GDA: variants seen among roughly 807,000 people sequenced by gnomAD.
GDA encodes the protein cytoplasmic PSD-95 interactor.
A neutral mutation model predicts 59.6 loss-of-function variants in GDA; 18 were observed. The ratio of observed to expected loss-of-function variants is 0.30; its 90% CI spans 0.21 to 0.45. The LOEUF (loss-of-function observed/expected upper bound fraction) is 0.45, where lower values mean the gene tolerates loss of function less well. Ranked by LOEUF, GDA falls within the 20% of genes least tolerant of loss-of-function variation. The pLI is 1.00. For synonymous variants in GDA, 201 were observed against 201.1 expected, an observed-to-expected ratio of 1.00 and a Z score of 0.00; for missense variants, 427 against 552.3, an observed-to-expected ratio of 0.77 and a Z score of 2.27.
intron 1 of GDA, among the ~76,000 whole-genome samples, chr9:72,165,801 G>A (rs1056981358): frequency 1.4e-5 from 2 of 143,750 alleles, no homozygotes; most frequent in Non-Finnish European, 1.6e-5. Context: ...GGGAGGCTGA[G>A]GGGGGAGAAC....
Position 72,195,501 on chromosome 9 carries a change from TA to T in GDA, c.126del (p.Ile42MetfsTer4). 1 of 1,386,122 alleles carries T rather than the reference TA, an allele frequency of 7.2e-7. No individual in the cohort carries two copies. The highest frequency in any genetic ancestry group is 1.4e-5 in the African/African-American group (1 of 70,354). The allele number at this position is 1,386,122 out of a possible 1,614,324, so 85.9% of individuals were successfully genotyped here. On this transcript the variant is annotated frameshift_variant and splice_region_variant, in exon 2 of 14. Coordinates refer to ENST00000358399, the MANE Select transcript of GDA (RefSeq NM_004293.5). LOFTEE classifies it high-confidence loss of function. Reference sequence around the variant, plus strand: ...TTCTTTTCTTTCTTTCTTTTAAAGATAGTGTTTTTAGAAGAAGCATCTCAAC... The same window carrying T: ...TTCTTTTCTTTCTTTCTTTTAAAGATGTGTTTTTAGAAGAAGCATCTCAAC... Reference protein sequence around the residue: ...HLLGVSDSGKIVFLEEASQQE... With the variant: ...HLLGVSDSGKXVFLEEASQQE...
At chr9:72,241,848 T>C (rs1839646505) in intron 11 of GDA, among the ~76,000 whole-genome samples, 1 of 152,174 alleles carries the variant, frequency 6.6e-6, no homozygotes, top group African/African-American at 2.4e-5. Context: ...GAGCAGTGAT[T>C]GTGCCACTAC....
At chr9:72,139,120 G>A (rs1351457691) in intron 1 of GDA, among the ~76,000 whole-genome samples, 1 of 152,096 alleles carries the variant, frequency 6.6e-6, no homozygotes, top group African/African-American at 2.4e-5. Context: ...CTTAAGGTTA[G>A]CAAGTAAAAA....
chr9:72,172,892 C>T (rs1322943529), intron 1 of GDA, among the ~76,000 whole-genome samples: 2 of 152,116 alleles, frequency 1.3e-5, no homozygotes, highest in Non-Finnish European at 2.9e-5. Context: ...ATATGTCTAG[C>T]ATTCTGTTTG....
intron 3 of GDA, among the ~76,000 whole-genome samples, chr9:72,209,780 G>A (rs544786753): frequency 9.2e-5 from 14 of 152,226 alleles, no homozygotes; most frequent in South Asian, 8.3e-4. Flanking sequence ...GGTCCCAAAC[G>A]TCACTGTGAA....
chr9:72,210,391 T>A (rs575973928), intron 3 of GDA, among the ~76,000 whole-genome samples: 13 of 152,316 alleles, frequency 8.5e-5, no homozygotes, highest in African/African-American at 2.9e-4. Flanking sequence ...CAATAAAATT[T>A]GGATATCCTT....
chr9:72,120,963 C>T (rs921569640), intron 1 of GDA, among the ~76,000 whole-genome samples: 3 of 152,150 alleles, frequency 2.0e-5, no homozygotes, highest in Non-Finnish European at 4.4e-5. Context: ...ATCTCATCTT[C>T]CCCTGCCTTC....
chr9:72,258,148 C>T (rs1298092402), downstream of GDA, among the ~76,000 whole-genome samples: 1 of 151,042 alleles, frequency 6.6e-6, no homozygotes, highest in Non-Finnish European at 1.5e-5. Flanking sequence ...CTTATCTCTA[C>T]AAAAAAATAA....
rs763706863 is a variant in GDA at position 72,250,796 on chromosome 9, T to C, written c.*2454T>C. 6.2e-7 allele frequency: 1 copy of C among 1,610,002 alleles called. No individual in the cohort carries two copies. Among genetic ancestry groups the C allele is most frequent in the Non-Finnish European group, 8.5e-7 (1 of 1,177,382 alleles). On this transcript the variant is annotated 3_prime_UTR_variant, in exon 14 of 14. Coordinates refer to ENST00000358399, the MANE Select transcript of GDA (RefSeq NM_004293.5). ...AGCCTCCTCACCCCATCCTCCACCATTTCCTTAATGTTCCATGGTATTTTC... is the reference window on the plus strand; with the variant it reads ...AGCCTCCTCACCCCATCCTCCACCACTTCCTTAATGTTCCATGGTATTTTC...
intron 2 of GDA, among the ~76,000 whole-genome samples, chr9:72,195,790 T>C (rs148489951): frequency 4.6e-5 from 7 of 152,348 alleles, no homozygotes; most frequent in African/African-American, 1.7e-4. Flanking sequence ...AGCTAGAGGC[T>C]GCCATCATTC....
At chr9:72,213,228 A>G (rs1380147298) in intron 4 of GDA, among the ~76,000 whole-genome samples, 1 of 152,180 alleles carries the variant, frequency 6.6e-6, no homozygotes, top group African/African-American at 2.4e-5. Flanking sequence ...AGATCACGCC[A>G]CTGCACTCCA....
chr9:72,213,951 T>C lies in GDA; in HGVS notation c.538T>C (p.Tyr180His). 6.2e-7 allele frequency: 1 copy of C among 1,610,656 alleles called. No homozygotes were observed. The highest frequency in any genetic ancestry group is 8.5e-7 in the Non-Finnish European group (1 of 1,176,854). The change falls in exon 5 of 14, where the codon TAC (tyrosine) becomes CAC (histidine). Residue 180 changes from tyrosine (Y) to histidine (H), a missense_variant. Tyr to His is a moderately conservative substitution (Grantham distance 83, BLOSUM62 2). Coordinates refer to ENST00000358399, the MANE Select transcript of GDA (RefSeq NM_004293.5). ...CMDLNDTFPE[Y>H]KETTEESIKE... is the part of the protein sequence containing the mutation. ...GGATTTGAATGACACTTTTCCAGAA[T>C]ACAAGGAGACCACTGAGGAATCGAT...
rs201013125 is a variant in GDA at position 72,248,350 on chromosome 9, G to A, written c.*8G>A. ...TTTTCCAGCTCAGTGTAAGACCCTC[G>A]GGCGTCTACAAAGTTCTCCTGGGAT... On this transcript the variant is annotated 3_prime_UTR_variant, in exon 14 of 14. Coordinates refer to ENST00000358399, the MANE Select transcript of GDA (RefSeq NM_004293.5). 22 of 1,613,196 alleles carry A rather than the reference G, an allele frequency of 1.4e-5. No individual in the cohort carries two copies. The highest frequency in any genetic ancestry group is 4.4e-5 in the South Asian group (4 of 91,056).
intron 1 of GDA, among the ~76,000 whole-genome samples, chr9:72,120,465 A>G (rs1431035255): frequency 1.3e-5 from 2 of 152,198 alleles, no homozygotes; most frequent in South Asian, 2.1e-4. Context: ...AAGTGCTGGG[A>G]TTACAGGCAT....
chr9:72,245,265 G>A lies in GDA; in HGVS notation c.1253G>A (p.Gly418Asp), dbSNP rs1302554447. The change falls in exon 12 of 14, where the codon GGT (glycine) becomes GAT (aspartate). Residue 418 changes from glycine (G) to aspartate (D), a missense_variant. Gly to Asp is a moderately conservative substitution (Grantham distance 94, BLOSUM62 -1). Coordinates refer to ENST00000358399, the MANE Select transcript of GDA (RefSeq NM_004293.5). ...PIDLFYGDFF[G>D]DISEAVIQKF... ...GACCTGTTTTATGGGGACTTTTTTG[G>A]TGATATTTCTGAGGTAAGTAAAAGA... The A allele has an allele frequency of 6.2e-7, 1 of 1,610,888 alleles. No homozygotes were observed. The highest frequency in any genetic ancestry group is 1.1e-5 in the South Asian group (1 of 90,990).
chr9:72,121,170 C>T (rs1033012685), intron 1 of GDA, among the ~76,000 whole-genome samples: 2 of 152,158 alleles, frequency 1.3e-5, no homozygotes, highest in Non-Finnish European at 2.9e-5. Flanking sequence ...TTCTCAACCT[C>T]TTTTTACGGT....
chr9:72,193,564 TC>T (rs1228738229), intron 1 of GDA, among the ~76,000 whole-genome samples: 1 of 152,224 alleles, frequency 6.6e-6, no homozygotes, highest in Non-Finnish European at 1.5e-5. Flanking sequence ...ATGGCCACAA[TC>T]ACTATGACTG....
chr9:72,162,813 A>G (rs1210212743), intron 1 of GDA, among the ~76,000 whole-genome samples: 1 of 152,002 alleles, frequency 6.6e-6, no homozygotes, highest in East Asian at 1.9e-4. Flanking sequence ...GCCCGCCACC[A>G]CAACCAGCTA....
chr9:72,218,101 A>G (rs1040000571), intron 5 of GDA, among the ~76,000 whole-genome samples: 1 of 151,922 alleles, frequency 6.6e-6, no homozygotes, highest in African/African-American at 2.4e-5. Context: ...TTTAGTAGAG[A>G]TGAGGTTTTG....
Sources: gnomAD v4.1 joint callset for allele counts (sites outside exome capture counted in the v4.1 genomes callset) on GRCh38, gnomAD v4.1.1 for gene constraint, MANE v1.5 for transcripts, NCBI Gene and HGNC (gene_info 2026-07-23, HGNC 2026-07-21) for gene names.